The following DPP6 variants were observed in gnomAD, a reference collection of about 807,000 sequenced individuals.
The protein encoded by DPP6 is dipeptidyl peptidase like 6, also known as A-type potassium channel modulatory protein DPP6.
A neutral mutation model predicts 122.6 loss-of-function variants in DPP6; 69 were observed. The ratio of observed to expected loss-of-function variants is 0.56; its 90% confidence interval spans 0.46 to 0.69. The LOEUF is 0.69. Ranked by LOEUF, DPP6 falls within the 30% of genes least tolerant of loss-of-function variation. DPP6 has a pLI of 0.00. For missense variants in DPP6, 928 were observed against 1,116.9 expected, an observed-to-expected ratio of 0.83 and a Z score of 2.41; for synonymous variants, 418 against 433.1, an observed-to-expected ratio of 0.97 and a Z score of 0.43.
In DPP6 at chr7:154,446,074, A is replaced by G. The variant is rs1456624727; in HGVS notation, c.244-140A>G. ...GTGCAGAAGGGTACAAAAGGGAACT[A>G]ATAGTAGCTTCAAGAATGGGAAGAT... On this transcript the variant is annotated intron_variant, in intron 1 of 25. Transcript: ENST00000377770. 5 of 581,514 alleles carry G rather than the reference A, an allele frequency of 8.6e-6. No homozygotes were observed. The Admixed American group carries it at 1.0e-4, about 12-fold the overall frequency. 36.0% of individuals were successfully genotyped at this position (581,514 alleles called of 1,614,324 possible). A position where few individuals can be genotyped will look rare whatever the true frequency, so the allele number is the denominator to read the frequency against.
chr7:153,876,182 G>C, the DPP6 span, among the ~76,000 whole-genome samples: 1 of 151,784 alleles, frequency 6.6e-6, no homozygotes, highest in South Asian at 2.1e-4. Flanking sequence ...GAGGAAAATA[G>C]ACAAATCTAC....
intron 1 of DPP6, among the ~76,000 whole-genome samples, chr7:154,211,720 C>G (rs768011382): frequency 6.6e-6 from 1 of 152,154 alleles, no homozygotes; most frequent in Non-Finnish European, 1.5e-5. Context: ...CTCAGAGGAC[C>G]AGTGGCCCTC....
intron 7 of DPP6, among the ~76,000 whole-genome samples, chr7:154,673,848 C>T (rs1019958930): frequency 1.3e-5 from 2 of 151,904 alleles, no homozygotes; most frequent in African/African-American, 2.4e-5. Context: ...TCAGATGAAT[C>T]TGCCTGAACT....
At chr7:154,049,025 A>G (rs1425209730), upstream of DPP6, among the ~76,000 whole-genome samples, 1 of 148,338 alleles carries the variant, frequency 6.7e-6, no homozygotes, top group Non-Finnish European at 1.5e-5. Context: ...TAATCATATG[A>G]AACTAGATAG....
chr7:154,227,049 A>G (rs533418683), intron 1 of DPP6, among the ~76,000 whole-genome samples: 7 of 152,296 alleles, frequency 4.6e-5, no homozygotes, highest in Middle Eastern at 6.8e-3. Flanking sequence ...ATAGATTACA[A>G]TATGTTCCAA....
chr7:154,594,913 AC>A (rs1833002646), intron 5 of DPP6, among the ~76,000 whole-genome samples: 1 of 152,080 alleles, frequency 6.6e-6, no homozygotes, highest in African/African-American at 2.4e-5. Flanking sequence ...GATTGTTCTG[AC>A]CTGGCTCCCA....
intron 1 of DPP6, among the ~76,000 whole-genome samples, chr7:153,974,316 ACT>A (rs1200406864): frequency 6.6e-6 from 1 of 151,858 alleles, no homozygotes; most frequent in Non-Finnish European, 1.5e-5. Context: ...TGCAGTGGCA[ACT>A]CTCTCGTTTC....
chr7:154,848,010 C>T (rs1802078232), intron 16 of DPP6, among the ~76,000 whole-genome samples: 1 of 152,218 alleles, frequency 6.6e-6, no homozygotes, highest in African/African-American at 2.4e-5. Flanking sequence ...GTCCTTTCAT[C>T]TCTAAGACTG....
At chr7:154,263,757 G>A (rs370324285) in intron 1 of DPP6, among the ~76,000 whole-genome samples, 5 of 152,074 alleles carry the variant, frequency 3.3e-5, no homozygotes, top group East Asian at 3.9e-4. Flanking sequence ...GCACGATCTC[G>A]GCTCCCTGCA....
At chr7:153,761,727 A>C in the DPP6 span, among the ~76,000 whole-genome samples, 4 of 152,214 alleles carry the variant, frequency 2.6e-5, no homozygotes, top group East Asian at 7.7e-4. Flanking sequence ...GCAAGCATCG[A>C]TCCATGCTTC....
rs562905063 is a variant in DPP6 at position 154,221,656 on chromosome 7, C to A, written c.243+168593C>A. 3.3e-5 allele frequency among the ~76,000 whole-genome samples: 5 copies of A among 152,276 alleles called. No homozygotes were observed. In the South Asian group the frequency reaches 8.3e-4, roughly 25 times the overall value. On this transcript the variant is annotated intron_variant, in intron 1 of 25. Transcript: ENST00000377770. ...AATAAATCACAGGAAGGTGGCTTAA[C>A]TATTGAAAATTTTATTAAAATGGTT...
chr7:153,954,241 G>A (rs1802353216), intron 1 of DPP6, among the ~76,000 whole-genome samples: 1 of 152,212 alleles, frequency 6.6e-6, no homozygotes, highest in African/African-American at 2.4e-5. Context: ...CAACTATGAT[G>A]TGTGTTTCTT....
At chr7:153,934,179 C>CT (rs1248085843) in intron 1 of DPP6, among the ~76,000 whole-genome samples, 1 of 152,102 alleles carries the variant, frequency 6.6e-6, no homozygotes, top group Non-Finnish European at 1.5e-5. Flanking sequence ...TTTGAAGCAC[C>CT]TTTTGTTTTT....
At chr7:154,283,291 C>T (rs1422159913) in intron 1 of DPP6, among the ~76,000 whole-genome samples, 2 of 152,116 alleles carry the variant, frequency 1.3e-5, no homozygotes, top group African/African-American at 2.4e-5. Flanking sequence ...GCTGTGTAAA[C>T]TTGAGCAAGT....
chr7:154,199,625 T>G (rs1370504949), intron 1 of DPP6, among the ~76,000 whole-genome samples: 1 of 152,054 alleles, frequency 6.6e-6, no homozygotes, highest in East Asian at 1.9e-4. Context: ...TTTCTTTTTT[T>G]TTGAGATGGA....
intron 1 of DPP6, among the ~76,000 whole-genome samples, chr7:153,942,670 C>T (rs1237296794): frequency 6.6e-6 from 1 of 152,182 alleles, no homozygotes; most frequent in Non-Finnish European, 1.5e-5. Context: ...GTCTGTGTGA[C>T]ACTCTTGCCA....
At chr7:154,400,945 G>C (rs1815520161) in intron 1 of DPP6, among the ~76,000 whole-genome samples, 1 of 152,242 alleles carries the variant, frequency 6.6e-6, no homozygotes, top group African/African-American at 2.4e-5. Context: ...GCTCACACCT[G>C]TAATACCAGC....
intron 1 of DPP6, among the ~76,000 whole-genome samples, chr7:154,226,027 C>T (rs1201313386): frequency 6.6e-6 from 1 of 152,170 alleles, no homozygotes. Context: ...GTGGCTGAGA[C>T]ACAACTAGAA....
At chr7:154,665,555 C>T (rs1838095920) in intron 6 of DPP6, among the ~76,000 whole-genome samples, 1 of 152,066 alleles carries the variant, frequency 6.6e-6, no homozygotes, top group South Asian at 2.1e-4. Context: ...ATTTTCCCTG[C>T]CCCAGCCCAG....
Sources: allele counts gnomAD v4.1 joint callset (sites outside exome capture counted in the v4.1 genomes callset), GRCh38; gene constraint gnomAD v4.1.1; transcripts MANE v1.5; gene names NCBI Gene and HGNC (gene_info 2026-07-23, HGNC 2026-07-21).